Variants in PARP8 observed in about 807,000 individuals in gnomAD.
The protein encoded by PARP8 is protein mono-ADP-ribosyltransferase PARP8.
Under a neutral mutation model 124.1 loss-of-function variants are expected in PARP8, and 51 were observed. That is an observed-to-expected ratio of 0.41 (90% CI 0.33 to 0.52). PARP8 has a LOEUF of 0.52. Ranked by LOEUF, PARP8 falls within the 20% of genes least tolerant of loss-of-function variation. PARP8 has a pLI of 0.21. For missense variants in PARP8, 860 were observed against 1,018.9 expected (o/e 0.84, Z 2.12); for synonymous variants, 391 against 361.5 (o/e 1.08, Z -0.93).
intron 2 of PARP8, among the ~76,000 whole-genome samples, chr5:50,705,200 G>T (rs918877671): frequency 4.6e-5 from 7 of 152,148 alleles, no homozygotes; most frequent in African/African-American, 1.7e-4. Flanking sequence ...GTGATTTTAG[G>T]AGTAAAAGAT....
chr5:50,808,048 A>T (rs1482327938), intron 14 of PARP8, among the ~76,000 whole-genome samples: 2 of 151,978 alleles, frequency 1.3e-5, no homozygotes, highest in Admixed American at 1.3e-4. Context: ...GTTTGTAACT[A>T]AGGTTCTTAT....
intron 19 of PARP8, 22 bp downstream of exon 19, chr5:50,826,825 T>TA (rs775238283): frequency 1.1e-4 from 171 of 1,548,420 alleles, no homozygotes; most frequent in Non-Finnish European, 1.4e-4. Context: ...TTTTTTTTTT[T>TA]ACATATGCAT....
chr5:50,742,040 A>G, intron 2 of PARP8: 1 of 265,720 alleles, frequency 3.8e-6, no homozygotes, highest in Non-Finnish European at 7.5e-6. Flanking sequence ...GAACTCTTGA[A>G]CTCAGGTGAT....
intron 1 of PARP8, 104 bp from the exon 2 acceptor site, chr5:50,667,967 C>T (rs367642949): frequency 1.3e-6 from 2 of 1,598,762 alleles, no homozygotes; most frequent in South Asian, 1.1e-5. Context: ...GCCTTCTGCC[C>T]GGCCAGGCCT....
chr5:50,827,872 T>C (rs1199883358), intron 19 of PARP8, 72 bp from the exon 20 acceptor site: 1 of 1,135,052 alleles, frequency 8.8e-7, no homozygotes, highest in African/African-American at 1.5e-5. Flanking sequence ...ACCAATAAAA[T>C]TTGAAATTGT....
intron 2 of PARP8, among the ~76,000 whole-genome samples, chr5:50,698,772 A>C (rs1561260274): frequency 6.6e-6 from 1 of 152,210 alleles, no homozygotes; most frequent in Admixed American, 6.5e-5. Context: ...GAGTTCCTTG[A>C]AAGTGTTCAG....
intron 2 of PARP8, among the ~76,000 whole-genome samples, chr5:50,716,044 C>T (rs1182860484): frequency 6.6e-6 from 1 of 152,042 alleles, no homozygotes; most frequent in Non-Finnish European, 1.5e-5. Flanking sequence ...ATTTACTGTG[C>T]TTTATCGAAA....
At chr5:50,735,998 G>A (rs555714422) in intron 2 of PARP8, among the ~76,000 whole-genome samples, 32 of 145,760 alleles carry the variant, frequency 2.2e-4, no homozygotes, top group African/African-American at 8.3e-4. Flanking sequence ...TCATTTGAAG[G>A]ATGGAATTTA....
intron 2 of PARP8, among the ~76,000 whole-genome samples, chr5:50,708,624 C>T: frequency 6.6e-6 from 1 of 151,376 alleles, no homozygotes; most frequent in East Asian, 1.9e-4. Flanking sequence ...CTTTGTATAT[C>T]TTTGAAGTTT....
chr5:50,684,119 C>T (rs1316801918), intron 2 of PARP8, among the ~76,000 whole-genome samples: 1 of 152,008 alleles, frequency 6.6e-6, no homozygotes, highest in Non-Finnish European at 1.5e-5. Context: ...TTTTGACTAA[C>T]AGCCTGAAAA....
At chr5:50,771,921 C>A (rs1761667675) in intron 7 of PARP8, among the ~76,000 whole-genome samples, 1 of 152,094 alleles carries the variant, frequency 6.6e-6, no homozygotes, top group Non-Finnish European at 1.5e-5. Context: ...CTAGTGTTTA[C>A]CATAGTCATT....
At chr5:50,700,725 G>A (rs1039460895) in intron 2 of PARP8, among the ~76,000 whole-genome samples, 18 of 152,124 alleles carry the variant, frequency 1.2e-4, no homozygotes, top group African/African-American at 4.3e-4. Context: ...CTGAATATTT[G>A]TGTTGGGGCA....
At chr5:50,831,398 C>T (rs1580496060) in intron 22 of PARP8, among the ~76,000 whole-genome samples, 1 of 152,122 alleles carries the variant, frequency 6.6e-6, no homozygotes, top group South Asian at 2.1e-4. Context: ...CCTGAGACAG[C>T]CTGACTCATA....
At chr5:50,757,549 G>A (rs926690403) in intron 3 of PARP8, among the ~76,000 whole-genome samples, 1 of 152,036 alleles carries the variant, frequency 6.6e-6, no homozygotes, top group African/African-American at 2.4e-5. Flanking sequence ...AGCCAAAATA[G>A]GAAATTACAT....
At chr5:50,672,241 G>A (rs1219177746) in intron 2 of PARP8, among the ~76,000 whole-genome samples, 3 of 152,174 alleles carry the variant, frequency 2.0e-5, no homozygotes. Context: ...ACAGTATATT[G>A]TAATCGCCCA....
intron 2 of PARP8, among the ~76,000 whole-genome samples, chr5:50,684,614 A>G (rs1751656876): frequency 1.3e-5 from 2 of 152,170 alleles, no homozygotes; most frequent in African/African-American, 2.4e-5. Context: ...AAATCACATG[A>G]GCCTGTCAGA....
intron 2 of PARP8, among the ~76,000 whole-genome samples, chr5:50,721,213 T>C (rs1174191905): frequency 6.6e-6 from 1 of 151,986 alleles, no homozygotes; most frequent in East Asian, 1.9e-4. Context: ...TTAAGAAAAG[T>C]CTGTCTCACC....
chr5:50,776,247 C>G (rs1007832461), intron 7 of PARP8, among the ~76,000 whole-genome samples: 2 of 152,180 alleles, frequency 1.3e-5, no homozygotes, highest in Non-Finnish European at 2.9e-5. Flanking sequence ...ACTTGCTCAT[C>G]ATGGTGTATG....
At chr5:50,671,822 A>C (rs1750058114) in intron 2 of PARP8, among the ~76,000 whole-genome samples, 3 of 152,206 alleles carry the variant, frequency 2.0e-5, no homozygotes, top group Admixed American at 1.3e-4. Flanking sequence ...ATGTTTTATT[A>C]GAAATTATAA....
Sources: allele counts gnomAD v4.1 joint callset (sites outside exome capture counted in the v4.1 genomes callset), GRCh38; gene constraint gnomAD v4.1.1; transcripts MANE v1.5; gene names NCBI Gene and HGNC (gene_info 2026-07-23, HGNC 2026-07-21).